KCNIP4: variants seen among roughly 807,000 people sequenced by gnomAD.
The protein encoded by KCNIP4 is potassium voltage-gated channel interacting protein 4.
In KCNIP4, 12 loss-of-function variants were observed where a neutral mutation model predicts 34.0. That is an observed-to-expected ratio of 0.35 (90% CI 0.23 to 0.57). KCNIP4 has a LOEUF of 0.57. Ranked by LOEUF, KCNIP4 falls within the 20% of genes least tolerant of loss-of-function variation. The probability of loss-of-function intolerance (pLI) is 0.83; values close to 1 mark genes in which losing one functional copy is unlikely to be tolerated. For synonymous variants in KCNIP4, 124 were observed against 102.2 expected, an observed-to-expected ratio of 1.21 and a Z score of -1.29; for missense variants, 238 against 311.7, an observed-to-expected ratio of 0.76 and a Z score of 1.78.
rs199778903 is a variant in KCNIP4, at chr4:21,667,729, G to A, written c.61+280842C>T. On this transcript the variant is annotated intron_variant, in intron 1 of 8. Coordinates refer to ENST00000382152, the MANE Select transcript of KCNIP4 (RefSeq NM_025221.6). The stretch of plus-strand genomic sequence containing the variant: ...GAAGGAAAATATTATGAAGAATTGC[G>A]AATAATGCTTCTACTTACTTATTTT... Among the ~76,000 whole-genome samples the A allele has an allele frequency of 1.2e-4, 19 of 152,292 alleles. No individual in the cohort carries two copies. In the East Asian group the frequency reaches 3.3e-3, roughly 26 times the overall value.
At chr4:21,618,900 T>A (rs895941665) in intron 1 of KCNIP4, among the ~76,000 whole-genome samples, 2 of 152,082 alleles carry the variant, frequency 1.3e-5, no homozygotes, top group Non-Finnish European at 2.9e-5. Flanking sequence ...CCCAAAGTTC[T>A]GGGATAAGAG....
In KCNIP4 at chr4:21,091,048, C is replaced by T. The variant is rs192933805; in HGVS notation, c.62-208339G>A. On this transcript the variant is annotated intron_variant, in intron 1 of 8. Coordinates refer to ENST00000382152, the MANE Select transcript of KCNIP4 (RefSeq NM_025221.6). ...CATCCTTGGGGGCTTTTTGTTCAAC[C>T]AATTTTCAACTTTCTAATGCCTGGC... Among the ~76,000 whole-genome samples the T allele has an allele frequency of 8.5e-5, 13 of 152,256 alleles. No homozygotes were observed. The East Asian group carries it at 2.5e-3, about 29-fold the overall frequency.
At chr4:20,944,608 T>G (rs1731997709) in intron 1 of KCNIP4, among the ~76,000 whole-genome samples, 1 of 152,190 alleles carries the variant, frequency 6.6e-6, no homozygotes, top group African/African-American at 2.4e-5. Context: ...GGCTCTGCAC[T>G]CATCATGGCA....
rs1720681105 is a variant in KCNIP4, at chr4:21,797,192, G to C, written c.61+151379C>G. 2.0e-5 allele frequency among the ~76,000 whole-genome samples: 3 copies of C among 152,268 alleles called. No homozygotes were observed. In the South Asian group the frequency reaches 6.2e-4, roughly 32 times the overall value. ...TTAGAGACACAGTCTCTGTCACTCA[G>C]ACTAAAGTGCAGTGGCGTGATCATA... On this transcript the variant is annotated intron_variant, in intron 1 of 8. Coordinates refer to ENST00000382152, the MANE Select transcript of KCNIP4 (RefSeq NM_025221.6).
intron 1 of KCNIP4, among the ~76,000 whole-genome samples, chr4:21,917,062 A>G (rs1037269479): frequency 2.0e-5 from 3 of 152,178 alleles, no homozygotes; most frequent in Admixed American, 2.0e-4. Flanking sequence ...TCCATTCCTT[A>G]TGTAATCGAC....
chr4:21,002,268 G>A (rs1333840014), intron 1 of KCNIP4, among the ~76,000 whole-genome samples: 1 of 152,172 alleles, frequency 6.6e-6, no homozygotes, highest in Non-Finnish European at 1.5e-5. Flanking sequence ...AGACACTGCA[G>A]TTTTCAATGT....
At chr4:21,275,278 C>G (rs1000728132) in intron 1 of KCNIP4, among the ~76,000 whole-genome samples, 3 of 152,164 alleles carry the variant, frequency 2.0e-5, no homozygotes, top group Non-Finnish European at 2.9e-5. Flanking sequence ...CAGTGGAGTG[C>G]TCCTTTATAC....
chr4:20,780,580 A>G (rs934150360), intron 3 of KCNIP4, among the ~76,000 whole-genome samples: 1 of 152,168 alleles, frequency 6.6e-6, no homozygotes, highest in Non-Finnish European at 1.5e-5. Context: ...CCCATTTAAC[A>G]TGATGCTGGT....
At chr4:20,848,706 CAT>C (rs1268923365) in intron 3 of KCNIP4, among the ~76,000 whole-genome samples, 2 of 152,100 alleles carry the variant, frequency 1.3e-5, no homozygotes, top group Non-Finnish European at 2.9e-5. Context: ...GGAATAATAA[CAT>C]AGCAGCAGTC....
intron 1 of KCNIP4, among the ~76,000 whole-genome samples, chr4:21,885,747 C>T (rs1726727415): frequency 6.6e-6 from 1 of 152,150 alleles, no homozygotes; most frequent in African/African-American, 2.4e-5. Flanking sequence ...GGAGACACTT[C>T]CTTCCAATAA....
chr4:21,196,863 GCACA>G (rs367795947), intron 1 of KCNIP4, among the ~76,000 whole-genome samples: 1 of 151,932 alleles, frequency 6.6e-6, no homozygotes, highest in Non-Finnish European at 1.5e-5. Context: ...ATTTGTACAT[GCACA>G]CACACACAGT....
chr4:21,787,100 A>T (rs1002192907), intron 1 of KCNIP4, among the ~76,000 whole-genome samples: 4 of 152,196 alleles, frequency 2.6e-5, no homozygotes, highest in Non-Finnish European at 4.4e-5. Flanking sequence ...TAACACCATG[A>T]GTGGAAAATT....
intron 1 of KCNIP4, among the ~76,000 whole-genome samples, chr4:21,785,378 G>A (rs1719834195): frequency 6.6e-5 from 10 of 151,702 alleles, no homozygotes; most frequent in Admixed American, 6.6e-4. Context: ...ATCACTTGAG[G>A]TCAGGAGTTT....
intron 1 of KCNIP4, among the ~76,000 whole-genome samples, chr4:21,753,183 G>A (rs575302145): frequency 6.6e-6 from 1 of 152,218 alleles, no homozygotes; most frequent in East Asian, 1.9e-4. Flanking sequence ...GTGTAGTGAG[G>A]CTCCTCATGC....
chr4:21,738,476 C>T (rs897986736), intron 1 of KCNIP4, among the ~76,000 whole-genome samples: 2 of 152,060 alleles, frequency 1.3e-5, no homozygotes, highest in African/African-American at 4.8e-5. Context: ...AAAAAGAGTC[C>T]CTGAAACAAA....
intron 1 of KCNIP4, among the ~76,000 whole-genome samples, chr4:21,939,279 T>C (rs2109017527): frequency 6.6e-6 from 1 of 152,316 alleles, no homozygotes; most frequent in East Asian, 1.9e-4. Context: ...CATCCATAAC[T>C]TTAACTAGAG....
intron 5 of KCNIP4, among the ~76,000 whole-genome samples, chr4:20,737,616 G>T (rs969282866): frequency 1.1e-4 from 16 of 152,298 alleles, no homozygotes; most frequent in African/African-American, 3.8e-4. Flanking sequence ...TAGTGAGTGT[G>T]AGCTGTTTGA....
At chr4:21,276,361 C>CTTT (rs3080866) in intron 1 of KCNIP4, among the ~76,000 whole-genome samples, 1 of 129,232 alleles carries the variant, frequency 7.7e-6, no homozygotes. Flanking sequence ...GAGATTTTCT[C>CTTT]TTTTTTTTTT....
intron 3 of KCNIP4, among the ~76,000 whole-genome samples, chr4:20,814,536 C>T (rs959093511): frequency 6.6e-6 from 1 of 152,184 alleles, no homozygotes; most frequent in African/African-American, 2.4e-5. Flanking sequence ...TAGGCTCTGC[C>T]TCATATTAGT....
Sources: allele counts gnomAD v4.1 joint callset (sites outside exome capture counted in the v4.1 genomes callset), GRCh38; gene constraint gnomAD v4.1.1; transcripts MANE v1.5; gene names NCBI Gene and HGNC (gene_info 2026-07-23, HGNC 2026-07-21).